The following FBXL7 variants were observed in gnomAD, a reference collection of about 807,000 sequenced individuals.
FBXL7 encodes F-box/LRR-repeat protein 7.
A neutral mutation model predicts 38.3 loss-of-function variants in FBXL7; 12 were observed. That is an observed-to-expected ratio of 0.31 (90% CI 0.20 to 0.51). FBXL7 has a LOEUF of 0.51. FBXL7 is among the 20% of genes least tolerant of loss of function. The pLI is 0.98. For missense variants in FBXL7, 567 were observed against 676.4 expected (o/e 0.84, Z 1.79); for synonymous variants, 297 against 300.9 (o/e 0.99, Z 0.13).
At chr5:15,790,231 GT>G (rs1737239046) in intron 2 of FBXL7, among the ~76,000 whole-genome samples, 1 of 152,126 alleles carries the variant, frequency 6.6e-6, no homozygotes, top group Non-Finnish European at 1.5e-5. Flanking sequence ...AGTCTATCTA[GT>G]TATAAGGATG....
chr5:15,646,425 A>T (rs1445328578), intron 2 of FBXL7, among the ~76,000 whole-genome samples: 1 of 152,184 alleles, frequency 6.6e-6, no homozygotes. Context: ...CTCCACAGTG[A>T]AGAACTTGAA....
At chr5:15,931,575 T>G (rs934031414) in intron 3 of FBXL7, among the ~76,000 whole-genome samples, 2 of 152,198 alleles carry the variant, frequency 1.3e-5, no homozygotes, top group Admixed American at 1.3e-4. Context: ...TTTACTTTCC[T>G]GCATGAAACC....
At chr5:15,616,918 T>G (rs1347893708) in intron 2 of FBXL7, among the ~76,000 whole-genome samples, 2 of 152,220 alleles carry the variant, frequency 1.3e-5, no homozygotes, top group Admixed American at 1.3e-4. Context: ...TTCATGACAT[T>G]GTGTAGCGCC....
Position 15,500,507 on chromosome 5 carries a change from C to T in FBXL7, c.-170C>T, listed in dbSNP as rs1418012534. On this transcript the variant is annotated 5_prime_UTR_variant, in exon 1 of 4. Coordinates refer to ENST00000504595, the MANE Select transcript of FBXL7 (RefSeq NM_012304.5). ...GGGGTGCCAGGAGGGGACGCAGCACCCCCTCCCACTGGAGTGCGGGGACCT... is the reference window on the plus strand; with the variant it reads ...GGGGTGCCAGGAGGGGACGCAGCACTCCCTCCCACTGGAGTGCGGGGACCT... The T allele has an allele frequency of 8.2e-6, 7 of 854,548 alleles. No individual in the cohort carries two copies. The African/African-American group carries it at 8.6e-5, about 10-fold the overall frequency. 52.9% of individuals were successfully genotyped at this position (854,548 alleles called of 1,614,324 possible). A position where few individuals can be genotyped will look rare whatever the true frequency, so the allele number is the denominator to read the frequency against.
chr5:15,824,134 A>G (rs188600039), intron 2 of FBXL7, among the ~76,000 whole-genome samples: 17 of 151,674 alleles, frequency 1.1e-4, no homozygotes, highest in Non-Finnish European at 1.9e-4. Context: ...CGTCTCTACT[A>G]AAAATATAAA....
chr5:15,896,533 A>G (rs1741108182), intron 2 of FBXL7, among the ~76,000 whole-genome samples: 1 of 152,192 alleles, frequency 6.6e-6, no homozygotes, highest in Non-Finnish European at 1.5e-5. Context: ...GCGGACCAAC[A>G]GTGGCATGTG....
intron 2 of FBXL7, among the ~76,000 whole-genome samples, chr5:15,796,139 A>G (rs1737410371): frequency 1.3e-5 from 2 of 152,204 alleles, no homozygotes; most frequent in South Asian, 4.1e-4. Flanking sequence ...GAAACCAACA[A>G]TGCCTTGTTA....
chr5:15,546,031 ATCT>A (rs1324849851), intron 1 of FBXL7, among the ~76,000 whole-genome samples: 1 of 152,252 alleles, frequency 6.6e-6, no homozygotes, highest in African/African-American at 2.4e-5. Context: ...AATGTAAAAT[ATCT>A]TCTTAATATT....
At chr5:15,862,480 A>G (rs1739518707) in intron 2 of FBXL7, among the ~76,000 whole-genome samples, 1 of 152,190 alleles carries the variant, frequency 6.6e-6, no homozygotes, top group Non-Finnish European at 1.5e-5. Context: ...CGGGCATTTT[A>G]TGTATATTAT....
intron 2 of FBXL7, among the ~76,000 whole-genome samples, chr5:15,718,131 G>A (rs1744094971): frequency 6.6e-6 from 1 of 152,134 alleles, no homozygotes; most frequent in South Asian, 2.1e-4. Context: ...ATAGGAAAAT[G>A]TATATATGTT....
At chr5:15,834,348 T>G (rs1738533258) in intron 2 of FBXL7, among the ~76,000 whole-genome samples, 1 of 152,338 alleles carries the variant, frequency 6.6e-6, no homozygotes. Context: ...CCCAGAAATC[T>G]TATTCCAAAT....
At chr5:15,894,020 G>T (rs554980239) in intron 2 of FBXL7, among the ~76,000 whole-genome samples, 97 of 152,388 alleles carry the variant, frequency 6.4e-4, no homozygotes, top group South Asian at 2.1e-3. Flanking sequence ...AGGCGCGGTG[G>T]CTTACGCCTG....
At chr5:15,639,193 A>C (rs1741278448) in intron 2 of FBXL7, among the ~76,000 whole-genome samples, 1 of 152,170 alleles carries the variant, frequency 6.6e-6, no homozygotes, top group Non-Finnish European at 1.5e-5. Context: ...TGTATCCAGA[A>C]ATATGTTCAA....
At chr5:15,803,708 T>G (rs1259798216) in intron 2 of FBXL7, among the ~76,000 whole-genome samples, 5 of 152,200 alleles carry the variant, frequency 3.3e-5, no homozygotes, top group African/African-American at 1.2e-4. Context: ...GATTATTTTC[T>G]TTGGAAATAA....
chr5:15,716,014 G>A (rs1386587897), intron 2 of FBXL7, among the ~76,000 whole-genome samples: 1 of 152,194 alleles, frequency 6.6e-6, no homozygotes, highest in Non-Finnish European at 1.5e-5. Context: ...ATTTGGTCCA[G>A]AGAAAACCCT....
At chr5:15,649,113 C>A (rs1052433137) in intron 2 of FBXL7, among the ~76,000 whole-genome samples, 1 of 152,172 alleles carries the variant, frequency 6.6e-6, no homozygotes, top group Non-Finnish European at 1.5e-5. Context: ...TCTTGTGCCT[C>A]AGCCTCCCAA....
intron 3 of FBXL7, among the ~76,000 whole-genome samples, chr5:15,929,702 G>A (rs1338512820): frequency 6.6e-6 from 1 of 151,850 alleles, no homozygotes; most frequent in Non-Finnish European, 1.5e-5. Flanking sequence ...CTCTCAGGCA[G>A]GAAGAATTAA....
intron 2 of FBXL7, among the ~76,000 whole-genome samples, chr5:15,638,196 G>T (rs1337169975): frequency 6.6e-6 from 1 of 152,226 alleles, no homozygotes; most frequent in African/African-American, 2.4e-5. Context: ...AAAGAGCCAT[G>T]CCTGGGAACG....
Position 15,805,499 on chromosome 5 carries a change from T to A in FBXL7, c.128-122391T>A, listed in dbSNP as rs185647220. The stretch of plus-strand genomic sequence containing the variant: ...GTGGAGTTTTAATTTTTTTTATAGA[T>A]TTAACCTAAGATTTTACCTAAGGGC... On this transcript the variant is annotated intron_variant, in intron 2 of 3. Transcript: ENST00000504595. 2.0e-5 allele frequency among the ~76,000 whole-genome samples: 3 copies of A among 151,262 alleles called. No individual in the cohort carries two copies. The East Asian group carries it at 5.8e-4, about 29-fold the overall frequency.
Sources: gnomAD v4.1 joint callset for allele counts (sites outside exome capture counted in the v4.1 genomes callset) on GRCh38, gnomAD v4.1.1 for gene constraint, MANE v1.5 for transcripts, NCBI Gene and HGNC (gene_info 2026-07-23, HGNC 2026-07-21) for gene names.